Variants in SSX5 observed in about 807,000 individuals in gnomAD.
SSX5 encodes protein SSX5.
SSX5 carries 14 observed loss-of-function variants against 14.9 expected under a neutral mutation model. The observed-to-expected ratio is 0.94, with a 90% CI of 0.62 to 1.47. The LOEUF is 1.47. Among genes scored for constraint, SSX5 ranks in the 40% most tolerant of loss-of-function variants. The pLI, the probability that SSX5 is intolerant of heterozygous loss-of-function variation, is 0.00. For synonymous variants in SSX5, 70 were observed against 55.4 expected, an observed-to-expected ratio of 1.26 and a Z score of -1.17; for missense variants, 204 against 154.6, an observed-to-expected ratio of 1.32 and a Z score of -1.70.
intron 7 of SSX5, 129 bp from the exon 8 acceptor site, chrX:48,186,985 C>T (rs782441246): frequency 2.3e-5 from 19 of 829,802 alleles, no homozygotes; most frequent in Middle Eastern, 8.4e-4. Context: ...CCTGTACACG[C>T]CTTCCATGGT....
At chrX:48,191,181 T>C (rs1197204039) in intron 5 of SSX5, among the ~76,000 whole-genome samples, 1 of 110,992 alleles carries the variant, frequency 9.0e-6, no homozygotes, top group African/African-American at 3.3e-5. Flanking sequence ...GGGATTACAG[T>C]CGTGAGCCAC....
chrX:48,194,285 A>G lies in SSX5; in HGVS notation c.185-61T>C. ...AAGCTTAGGCCTGGTATGGTGGCTC[A>G]TGTCTGTAGTAGCAGCTCTTTGGGA... On this transcript the variant is annotated intron_variant, in intron 3 of 7. Coordinates refer to ENST00000347757, the MANE Select transcript of SSX5 (RefSeq NM_175723.2). 3.6e-6 allele frequency: 4 copies of G among 1,120,600 alleles called. No homozygotes were observed. In the South Asian group the frequency reaches 5.5e-5, roughly 15 times the overall value. 92.4% of individuals were successfully genotyped at this position (1,120,600 alleles called of 1,213,427 possible).
At chrX:48,192,082 T>C in intron 5 of SSX5, 150 bp downstream of exon 5, 1 of 925,702 alleles carries the variant, frequency 1.1e-6, no homozygotes, top group Non-Finnish European at 1.5e-6. Flanking sequence ...CTGTTAGTAT[T>C]AGCAAGCCGT....
At position 48,195,304 on chromosome X, in the gene SSX5, C is replaced by A. The variant is rs4824675; in HGVS notation, c.55G>T (p.Glu19Ter). The change falls in exon 2 of 8, where the codon GAG becomes TAG. Residue 19 changes from glutamate (E) to a stop codon, truncating the protein, a stop_gained. Transcript: ENST00000347757. LOFTEE classifies it high-confidence loss of function. ...GGTCACCTCACCTTTTGCATCTTCT[C>A]TGGTATTTGAGAACCAACCCTAGGT... ...RRPRVGSQIP[E>*]KMQKAFDDIA... 2 of 1,211,747 alleles carry A rather than the reference C, an allele frequency of 1.7e-6. No individual in the cohort carries two copies. Among genetic ancestry groups the A allele is most frequent in the Non-Finnish European group, 2.2e-6 (2 of 895,627 alleles).
intron 4 of SSX5, among the ~76,000 whole-genome samples, chrX:48,193,490 G>T (rs1484463480): frequency 9.0e-6 from 1 of 111,492 alleles, no homozygotes; most frequent in Non-Finnish European, 1.9e-5. Flanking sequence ...ACTCACAGTT[G>T]TAATCCCAGC....
rs1322007644 is a variant in SSX5, at chrX:48,190,241, C to T, written c.358G>A (p.Gly120Arg). ...TCTGGCACTCCCTTCGAATCATTTC[C>T]TTCCTCTGCTGGCTTCTCGGGCGTG... ...KITPEKPAEE[G>R]NDSKGVPEAS... is the part of the protein sequence containing the mutation. The change falls in exon 6 of 8, where the codon GGA (glycine) becomes AGA (arginine). Residue 120 changes from glycine to arginine, a missense_variant. Physicochemically the swap from Gly to Arg is moderately radical, Grantham distance 125 (BLOSUM62 -2). Coordinates refer to ENST00000347757, the MANE Select transcript of SSX5 (RefSeq NM_175723.2). 1 of 1,205,420 alleles carries T rather than the reference C, an allele frequency of 8.3e-7. No individual in the cohort carries two copies. Among genetic ancestry groups the T allele is most frequent in the East Asian group, 3.0e-5 (1 of 33,628 alleles).
rs1174229469 is a variant in SSX5 at position 48,186,609 on chromosome X, A to C, written c.*252T>G. ...GGATACACAAACTGAAATATGCATT[A>C]AGTATGTCTTGCTCATCAGTGAAAA... On this transcript the variant is annotated 3_prime_UTR_variant, in exon 8 of 8. Transcript: ENST00000347757. 7.8e-6 allele frequency: 4 copies of C among 512,048 alleles called. No individual in the cohort carries two copies. Among genetic ancestry groups the C allele is most frequent in the African/African-American group, 2.4e-5 (1 of 42,145 alleles). 42.2% of individuals were successfully genotyped at this position (512,048 alleles called of 1,213,427 possible).
intron 4 of SSX5, 76 bp from the exon 5 acceptor site, chrX:48,192,357 G>A (rs782608946): frequency 1.7e-6 from 2 of 1,171,961 alleles, no homozygotes; most frequent in Non-Finnish European, 2.3e-6. Flanking sequence ...GTTGCATGAG[G>A]GCATTCTGCA....
At chrX:48,195,513 C>G in intron 1 of SSX5, 135 bp from the exon 2 acceptor site, 1 of 605,586 alleles carries the variant, frequency 1.7e-6, no homozygotes, top group Non-Finnish European at 2.6e-6. Flanking sequence ...TTATCTGTCC[C>G]TGAGTAAGGC....
At chrX:48,195,405 C>G in intron 1 of SSX5, 27 bp from the exon 2 acceptor site, 4 of 1,181,567 alleles carry the variant, frequency 3.4e-6, no homozygotes, top group Non-Finnish European at 4.6e-6. Flanking sequence ...CTGAGTCTTT[C>G]CAGCTGCAGG....
At position 48,190,225 on chromosome X, in the gene SSX5, C is replaced by T. The variant is rs1556924520; in HGVS notation, c.374G>A (p.Gly125Glu). The change falls in exon 6 of 8, where the codon GGA becomes GAA. Residue 125 changes from glycine to glutamate, a missense_variant. Gly to Glu is a moderately conservative substitution (Grantham distance 98). Coordinates refer to ENST00000347757, the MANE Select transcript of SSX5 (RefSeq NM_175723.2). Reference sequence around the variant, plus strand: ...CTGTGGGCCAGATGCTTCTGGCACTCCCTTCGAATCATTTCCTTCCTCTGC... The same window carrying T: ...CTGTGGGCCAGATGCTTCTGGCACTTCCTTCGAATCATTTCCTTCCTCTGC... ...KPAEEGNDSK[G>E]VPEASGPQNN... 8.3e-7 allele frequency: 1 copy of T among 1,206,026 alleles called. No homozygotes were observed. Among genetic ancestry groups the T allele is most frequent in the East Asian group, 3.0e-5 (1 of 33,573 alleles).
intron 4 of SSX5, among the ~76,000 whole-genome samples, chrX:48,192,836 A>C (rs181117718): frequency 1.8e-3 from 205 of 112,485 alleles, no homozygotes; most frequent in African/African-American, 6.2e-3. Context: ...TTAGTTGGCG[A>C]GTAATAGGTC....
rs190741790 is a variant in SSX5 at position 48,186,623 on chromosome X, C to G, written c.*238G>C. ...AAATATGCATTAAGTATGTCTTGCT[C>G]ATCAGTGAAAACGCTAATATCTAAC... On this transcript the variant is annotated 3_prime_UTR_variant, in exon 8 of 8. Coordinates refer to ENST00000347757, the MANE Select transcript of SSX5 (RefSeq NM_175723.2). The G allele has an allele frequency of 6.9e-4, 386 of 557,238 alleles. 2 individuals are homozygous for G. Among genetic ancestry groups the G allele is most frequent in the African/African-American group, 6.8e-3 (293 of 43,285 alleles). 45.9% of individuals were successfully genotyped at this position (557,238 alleles called of 1,213,427 possible).
chrX:48,194,775 T>C lies in SSX5; in HGVS notation c.149A>G (p.Tyr50Cys). Residue 50 changes from tyrosine to cysteine, a missense_variant, in exon 3 of 8, where the codon TAT becomes TGT. Tyr to Cys is a radical substitution (Grantham distance 194). Coordinates refer to ENST00000347757, the MANE Select transcript of SSX5 (RefSeq NM_175723.2). ...MKASEKIIYV[Y>C]MKRKYEAMTK... Reference sequence around the variant, plus strand: ...CATGGCCTCATACTTTCTCTTCATATACACATAGATGATTTTCTCCGAGGC... The same window carrying C: ...CATGGCCTCATACTTTCTCTTCATACACACATAGATGATTTTCTCCGAGGC... 8.3e-7 allele frequency: 1 copy of C among 1,210,664 alleles called. No homozygotes were observed. Among genetic ancestry groups the C allele is most frequent in the Non-Finnish European group, 1.1e-6 (1 of 894,804 alleles).
intron 5 of SSX5, 35 bp downstream of exon 5, chrX:48,192,197 G>T: frequency 8.3e-7 from 1 of 1,210,142 alleles, no homozygotes; most frequent in African/African-American, 1.7e-5. Context: ...AAGGGACAAA[G>T]GTTCTCTGGT....
intron 5 of SSX5, among the ~76,000 whole-genome samples, chrX:48,191,784 G>A (rs1242701816): frequency 1.8e-5 from 2 of 111,828 alleles, no homozygotes; most frequent in Admixed American, 9.5e-5. Context: ...CTCTATACCC[G>A]GATAGCCTCA....
At chrX:48,191,196 C>T (rs1378706638) in intron 5 of SSX5, among the ~76,000 whole-genome samples, 1 of 111,305 alleles carries the variant, frequency 9.0e-6, no homozygotes, top group Non-Finnish European at 1.9e-5. Context: ...AGCCACCACG[C>T]CCAGTCCTTA....
chrX:48,195,276 G>C lies in SSX5; in HGVS notation c.69+14C>G, dbSNP rs372799428. 6 of 1,208,275 alleles carry C rather than the reference G, an allele frequency of 5.0e-6. No individual in the cohort carries two copies. Among genetic ancestry groups the C allele is most frequent in the South Asian group, 1.8e-5 (1 of 56,707 alleles). ...CCCCTGGGCCACTACTATGCCCCCT[G>C]CAGGTCACCTCACCTTTTGCATCTT... On this transcript the variant is annotated intron_variant, in intron 2 of 7. Transcript: ENST00000347757.
chrX:48,194,359 A>T, intron 3 of SSX5, 135 bp from the exon 4 acceptor site: 1 of 664,348 alleles, frequency 1.5e-6, no homozygotes, highest in Non-Finnish European at 2.4e-6. Flanking sequence ...GGCTGCAGTG[A>T]GCTATGATTG....
Sources: allele counts gnomAD v4.1 joint callset (sites outside exome capture counted in the v4.1 genomes callset), GRCh38; gene constraint gnomAD v4.1.1; transcripts MANE v1.5; gene names NCBI Gene and HGNC (gene_info 2026-07-23, HGNC 2026-07-21).